The following NBDY variants were observed in gnomAD, a reference collection of about 807,000 sequenced individuals.
NBDY encodes negative regulator of P-body association.
intron 2 of NBDY, among the ~76,000 whole-genome samples, chrX:56,788,270 C>A (rs1166720434): frequency 8.9e-6 from 1 of 112,586 alleles, no homozygotes; most frequent in African/African-American, 3.2e-5. Flanking sequence ...TGGGAGAAGG[C>A]AGAGACCATC....
At chrX:56,785,376 C>A (rs1283664314) in intron 2 of NBDY, among the ~76,000 whole-genome samples, 2 of 110,819 alleles carry the variant, frequency 1.8e-5, no homozygotes. Context: ...TAACTCCCAT[C>A]ACGCTTCAAC....
intron 2 of NBDY, among the ~76,000 whole-genome samples, chrX:56,785,858 C>G (rs2069724712): frequency 9.0e-6 from 1 of 111,592 alleles, no homozygotes; most frequent in African/African-American, 3.3e-5. Context: ...CCTCCTTTCA[C>G]TTTTTTCTCC....
intron 2 of NBDY, among the ~76,000 whole-genome samples, chrX:56,762,606 C>G (rs1395626623): frequency 9.0e-6 from 1 of 111,091 alleles, no homozygotes; most frequent in Non-Finnish European, 1.9e-5. Context: ...ATTCATCCTT[C>G]TACCTTGTTC....
At chrX:56,810,173 C>T (rs1487208779) in intron 2 of NBDY, among the ~76,000 whole-genome samples, 7 of 111,243 alleles carry the variant, frequency 6.3e-5, no homozygotes, top group African/African-American at 2.3e-4. Context: ...CTCTGTCTGC[C>T]CTTAATATTT....
intron 2 of NBDY, among the ~76,000 whole-genome samples, chrX:56,749,444 C>A (rs1156976801): frequency 9.0e-6 from 1 of 110,985 alleles, no homozygotes; most frequent in Non-Finnish European, 1.9e-5. Context: ...AAGGTAAAAA[C>A]CTTTGTTTTG....
At chrX:56,766,219 G>A (rs909629374) in intron 2 of NBDY, among the ~76,000 whole-genome samples, 1 of 111,800 alleles carries the variant, frequency 8.9e-6, no homozygotes, top group Non-Finnish European at 1.9e-5. Context: ...CAAGCCATGT[G>A]AACACATCAA....
chrX:56,788,809 G>A (rs1460241470), intron 2 of NBDY, among the ~76,000 whole-genome samples: 3 of 112,386 alleles, frequency 2.7e-5, no homozygotes, highest in Non-Finnish European at 3.8e-5. Context: ...GGACTGACTC[G>A]TCTTGGGGCT....
At chrX:56,817,147 G>A (rs1404715552) in intron 2 of NBDY, among the ~76,000 whole-genome samples, 173 bp from the exon 3 acceptor site, 1 of 111,725 alleles carries the variant, frequency 9.0e-6, no homozygotes, top group Non-Finnish European at 1.9e-5. Context: ...TATTGACATT[G>A]TATGCCTTTG....
chrX:56,753,429 G>T (rs768375892), intron 2 of NBDY, among the ~76,000 whole-genome samples: 2 of 112,298 alleles, frequency 1.8e-5, no homozygotes, highest in East Asian at 5.6e-4. Flanking sequence ...TTCAAGTGAA[G>T]ATGTCCACTA....
intron 2 of NBDY, chrX:56,737,200 C>T (rs2069499901): frequency 2.0e-5 from 15 of 741,659 alleles, no homozygotes; most frequent in Admixed American, 4.4e-5. Context: ...TCAAGTTTAA[C>T]CATCTTCATA....
At chrX:56,749,409 C>T (rs1278091543) in intron 2 of NBDY, among the ~76,000 whole-genome samples, 1 of 111,000 alleles carries the variant, frequency 9.0e-6, no homozygotes, top group Non-Finnish European at 1.9e-5. Flanking sequence ...CTAACTTTTC[C>T]AGGAATGTAA....
intron 2 of NBDY, among the ~76,000 whole-genome samples, chrX:56,753,621 C>T (rs2146719694): frequency 1.8e-5 from 2 of 110,129 alleles, no homozygotes; most frequent in East Asian, 2.9e-4. Flanking sequence ...GGAAGTGGGT[C>T]CTGGAAAGGA....
intron 2 of NBDY, among the ~76,000 whole-genome samples, chrX:56,746,376 T>C (rs73494992): frequency 0.078 from 8,734 of 111,298 alleles, 637 homozygotes; most frequent in African/African-American, 0.22. Flanking sequence ...CCTGACATGT[T>C]ATCATAGCAT....
intron 2 of NBDY, among the ~76,000 whole-genome samples, chrX:56,812,862 G>A (rs2069894104): frequency 9.1e-6 from 1 of 110,188 alleles, no homozygotes; most frequent in South Asian, 4.0e-4. Flanking sequence ...ATGTTCTATC[G>A]AGACTGCTTC....
chrX:56,811,349 C>T (rs979244570), intron 2 of NBDY, among the ~76,000 whole-genome samples: 8 of 111,944 alleles, frequency 7.1e-5, no homozygotes, highest in Admixed American at 9.4e-5. Context: ...TGAAGCTGCA[C>T]CCCCAACTGT....
At chrX:56,756,746 C>G (rs1401008791) in intron 2 of NBDY, among the ~76,000 whole-genome samples, 1 of 111,630 alleles carries the variant, frequency 9.0e-6, no homozygotes, top group African/African-American at 3.3e-5. Flanking sequence ...GGGCGGATCA[C>G]TTGAGGTCAG....
At chrX:56,737,943 T>G (rs1170273171) in intron 2 of NBDY, among the ~76,000 whole-genome samples, 5 of 111,481 alleles carry the variant, frequency 4.5e-5, no homozygotes, top group Non-Finnish European at 7.5e-5. Flanking sequence ...CTCCTTTACC[T>G]CTTAATATGT....
chrX:56,794,202 CAGGCAG>C (rs1465076571), intron 2 of NBDY, among the ~76,000 whole-genome samples: 1 of 111,749 alleles, frequency 8.9e-6, no homozygotes, highest in Non-Finnish European at 1.9e-5. Flanking sequence ...AACCCTGGCT[CAGGCAG>C]AGTCCACCCA....
chrX:56,740,412 T>C (rs2069525959), intron 2 of NBDY, among the ~76,000 whole-genome samples: 5 of 111,836 alleles, frequency 4.5e-5, no homozygotes, highest in African/African-American at 1.6e-4. Context: ...AACTAGTGTT[T>C]TATGTGTGCC....
Sources: gnomAD v4.1 joint callset for allele counts (sites outside exome capture counted in the v4.1 genomes callset) on GRCh38, gnomAD v4.1.1 for gene constraint, MANE v1.5 for transcripts, NCBI Gene and HGNC (gene_info 2026-07-23, HGNC 2026-07-21) for gene names.